The following SACS variants were observed in gnomAD, a reference collection of about 807,000 sequenced individuals.
SACS encodes sacsin.
In SACS, 197 loss-of-function variants were observed where a neutral mutation model predicts 348.0. The ratio of observed to expected loss-of-function variants is 0.57; its 90% CI spans 0.50 to 0.64. The LOEUF is 0.64. Ranked by LOEUF, SACS falls within the 30% of genes least tolerant of loss-of-function variation. The pLI is 0.00. For synonymous variants in SACS, 1,985 were observed against 1,910.6 expected (o/e 1.04, Z -1.02); for missense variants, 4,999 against 5,360.8 (o/e 0.93, Z 2.11).
At chr13:23,359,282 TACAC>T (rs375539000) in intron 6 of SACS, among the ~76,000 whole-genome samples, 1 of 152,206 alleles carries the variant, frequency 6.6e-6, no homozygotes, top group Admixed American at 6.5e-5. Flanking sequence ...CATTTTACTA[TACAC>T]ACACACATAT....
chr13:23,395,984 C>T (rs1166554237), intron 2 of SACS, among the ~76,000 whole-genome samples: 1 of 152,042 alleles, frequency 6.6e-6, no homozygotes, highest in African/African-American at 2.4e-5. Context: ...TTATAAAATC[C>T]CTTTAAGGAT....
intron 1 of SACS, among the ~76,000 whole-genome samples, chr13:23,419,859 G>A (rs1873851228): frequency 1.3e-5 from 2 of 152,326 alleles, no homozygotes; most frequent in South Asian, 2.1e-4. Context: ...CAGAGAATAT[G>A]TGACCATTCG....
intron 2 of SACS, among the ~76,000 whole-genome samples, chr13:23,392,363 C>G (rs1027760821): frequency 3.9e-5 from 6 of 152,190 alleles, no homozygotes; most frequent in African/African-American, 1.4e-4. Flanking sequence ...GCCAGGTTTG[C>G]AACTAACTGC....
chr13:23,349,886 A>G (rs1869843989), intron 9 of SACS, among the ~76,000 whole-genome samples: 1 of 152,194 alleles, frequency 6.6e-6, no homozygotes, highest in African/African-American at 2.4e-5. Flanking sequence ...TCTCTGCTAC[A>G]CTACCTCTCT....
At chr13:23,377,343 G>C (rs992019626) in intron 2 of SACS, among the ~76,000 whole-genome samples, 3 of 152,092 alleles carry the variant, frequency 2.0e-5, no homozygotes, top group East Asian at 3.9e-4. Context: ...GCTTTTCCTG[G>C]ACCACCTCTG....
chr13:23,360,036 G>T (rs1466137452), intron 6 of SACS, among the ~76,000 whole-genome samples: 1 of 152,182 alleles, frequency 6.6e-6, no homozygotes, highest in Non-Finnish European at 1.5e-5. Flanking sequence ...CAGCTCTCCA[G>T]TTACAGCCAC....
chr13:23,369,921 C>T (rs1373875035), intron 4 of SACS, among the ~76,000 whole-genome samples: 3 of 151,074 alleles, frequency 2.0e-5, no homozygotes, highest in Admixed American at 1.3e-4. Context: ...TGCAATGGAG[C>T]GATCTCAGCT....
At chr13:23,417,472 T>G (rs764568405) in intron 1 of SACS, among the ~76,000 whole-genome samples, 2 of 152,148 alleles carry the variant, frequency 1.3e-5, no homozygotes, top group Non-Finnish European at 2.9e-5. Context: ...GACAGACCCT[T>G]GCATTAATGA....
intron 3 of SACS, among the ~76,000 whole-genome samples, chr13:23,371,426 T>G (rs1181988043): frequency 2.0e-5 from 3 of 152,228 alleles, no homozygotes; most frequent in Non-Finnish European, 4.4e-5. Context: ...TAATTTAAAT[T>G]TTTAAATGAT....
intron 2 of SACS, among the ~76,000 whole-genome samples, chr13:23,405,617 T>C (rs897819847): frequency 4.0e-5 from 6 of 151,374 alleles, no homozygotes; most frequent in Admixed American, 4.0e-4. Flanking sequence ...GTGAACAGAA[T>C]GGGAGAAAAT....
intron 2 of SACS, among the ~76,000 whole-genome samples, chr13:23,401,692 A>G (rs1872984072): frequency 6.6e-6 from 1 of 152,238 alleles, no homozygotes; most frequent in African/African-American, 2.4e-5. Context: ...TAACCGTCTT[A>G]AGGCTTTTGC....
chr13:23,333,375 T>C lies in SACS; in HGVS notation c.10501A>G (p.Lys3501Glu). 6.2e-7 allele frequency: 1 copy of C among 1,601,922 alleles called. No individual in the cohort carries two copies. The highest frequency in any genetic ancestry group is 8.5e-7 in the Non-Finnish European group (1 of 1,175,670). The change falls in exon 10 of 10, where the codon AAG becomes GAG. Residue 3501 changes from lysine to glutamate, a missense_variant. Transcript: ENST00000382292. The stretch of plus-strand genomic sequence containing the variant: ...TCCTCAGCACTTGATAATCTATTCT[T>C]AAGGTAGATCAAGTGCTCTAATTTT... ...DAKLEHLIYLKNRLSSAEELS... is the reference protein window; with the variant it reads ...DAKLEHLIYLENRLSSAEELS...
chr13:23,394,048 C>T (rs140174043), intron 2 of SACS, among the ~76,000 whole-genome samples: 3,408 of 152,354 alleles, frequency 0.022, 74 homozygotes, highest in Middle Eastern at 0.037. Flanking sequence ...GCATGAGCCA[C>T]GGTGCCTGGC....
chr13:23,334,974 G>C lies in SACS; in HGVS notation c.8902C>G (p.Leu2968Val), dbSNP rs768978881. The C allele has an allele frequency of 3.1e-6, 5 of 1,613,914 alleles. No homozygotes were observed. Among genetic ancestry groups the C allele is most frequent in the Non-Finnish European group, 3.4e-6 (4 of 1,179,840 alleles). The change falls in exon 10 of 10, where the codon CTT becomes GTT. Residue 2968 changes from leucine (L) to valine (V), a missense_variant. By Grantham distance (32) the Leu-to-Val change is conservative. This residue lies in a region of SACS where 734 missense variants were observed against 694.0 expected (regional missense o/e 1.06). Transcript: ENST00000382292. ...CAATATAAATCTGGCTGTAGATCAA[G>C]ACGGTTAACTGGGAAAAACGATAAA... is the stretch of plus-strand genomic sequence containing the variant. ...KFLSFFPVNR[L>V]DLQPDLYCLV...
In SACS at chr13:23,353,162, G is replaced by A. The variant is rs539764480; in HGVS notation, c.2185+623C>T. ...TGTTGACTGTTTTCCCAAAATTACT[G>A]TCTTTTCCTAAAAGGACACCTATCA... On this transcript the variant is annotated intron_variant, in intron 9 of 9. Coordinates refer to ENST00000382292, the MANE Select transcript of SACS (RefSeq NM_014363.6). Among the ~76,000 whole-genome samples, 29 of 152,232 alleles carry A rather than the reference G, an allele frequency of 1.9e-4. No individual in the cohort carries two copies. In the South Asian group the frequency reaches 4.1e-3, roughly 22 times the overall value.
intron 2 of SACS, among the ~76,000 whole-genome samples, chr13:23,396,323 C>CA (rs61118133): frequency 0.044 from 4,894 of 110,536 alleles, 284 homozygotes; most frequent in African/African-American, 0.15. Context: ...GAATCTGTCT[C>CA]AAAAAAAAAA....
intron 2 of SACS, among the ~76,000 whole-genome samples, chr13:23,382,137 G>A (rs936750687): frequency 3.9e-5 from 6 of 152,198 alleles, no homozygotes; most frequent in African/African-American, 1.2e-4. Flanking sequence ...ATAGGTCAGC[G>A]GAGGTTTTTT....
At chr13:23,365,104 A>T in intron 6 of SACS, 62 bp downstream of exon 6, 1 of 1,021,886 alleles carries the variant, frequency 9.8e-7, no homozygotes, top group Non-Finnish European at 1.5e-6. Flanking sequence ...AAGCATTATT[A>T]ATCATTAAAA....
At chr13:23,353,309 C>T (rs530615384) in intron 9 of SACS, among the ~76,000 whole-genome samples, 56 of 152,160 alleles carry the variant, frequency 3.7e-4, no homozygotes, top group Non-Finnish European at 6.6e-4. Flanking sequence ...ATCATAACTA[C>T]ATAAAACCAT....
Sources: gnomAD v4.1 joint callset for allele counts (sites outside exome capture counted in the v4.1 genomes callset) on GRCh38, gnomAD v4.1.1 for gene constraint, gnomAD v4.1.1 regional missense constraint, MANE v1.5 for transcripts, NCBI Gene and HGNC (gene_info 2026-07-23, HGNC 2026-07-21) for gene names.